SEMA6D: variants seen among roughly 807,000 people sequenced by gnomAD.
SEMA6D encodes semaphorin 6D.
SEMA6D carries 35 observed loss-of-function variants against 106.6 expected under a neutral mutation model. The ratio of observed to expected loss-of-function variants is 0.33; its 90% CI spans 0.25 to 0.44. SEMA6D has a LOEUF of 0.44. SEMA6D is among the 20% of genes least tolerant of loss of function. SEMA6D has a pLI of 1.00. For missense variants in SEMA6D, 1,185 were observed against 1,345.9 expected (o/e 0.88, Z 1.87); for synonymous variants, 499 against 487.7 (o/e 1.02, Z -0.31).
rs2036542517 is a variant in SEMA6D at position 47,314,014 on chromosome 15, C to T, written c.-238-98379C>T. Among the ~76,000 whole-genome samples, 3 of 152,286 alleles carry T rather than the reference C, an allele frequency of 2.0e-5. No homozygotes were observed. The South Asian group carries it at 6.2e-4, about 32-fold the overall frequency. On this transcript the variant is annotated intron_variant, in intron 1 of 19. Coordinates refer to the SEMA6D transcript ENST00000558014. Reference sequence around the variant, plus strand: ...TATATTTGGTTTGGTAAGAAACTGTCAAACTGTCTTTCAAAGTGGCTGTAC... The same window carrying T: ...TATATTTGGTTTGGTAAGAAACTGTTAAACTGTCTTTCAAAGTGGCTGTAC...
intron 3 of SEMA6D, among the ~76,000 whole-genome samples, chr15:47,557,325 C>T (rs1467990355): frequency 1.3e-5 from 2 of 152,144 alleles, no homozygotes. Context: ...CAGTTAGCTA[C>T]CTACACTTGG....
intron 4 of SEMA6D, among the ~76,000 whole-genome samples, chr15:47,688,161 T>C (rs1376591023): frequency 6.6e-6 from 1 of 152,176 alleles, no homozygotes; most frequent in Non-Finnish European, 1.5e-5. Flanking sequence ...ACTAAGTTCA[T>C]AGAGTCCACA....
intron 1 of SEMA6D, among the ~76,000 whole-genome samples, chr15:47,328,410 G>T (rs1027708691): frequency 6.6e-6 from 1 of 152,164 alleles, no homozygotes; most frequent in Non-Finnish European, 1.5e-5. Flanking sequence ...TAATTATGCT[G>T]TTGGGCAGTT....
intron 3 of SEMA6D, among the ~76,000 whole-genome samples, chr15:47,547,521 T>C (rs1213417492): frequency 6.6e-6 from 1 of 152,238 alleles, no homozygotes; most frequent in Non-Finnish European, 1.5e-5. Context: ...AGCTCCTGTT[T>C]CTATGCTATA....
chr15:47,604,848 C>T (rs2143628028), intron 4 of SEMA6D, among the ~76,000 whole-genome samples: 1 of 148,428 alleles, frequency 6.7e-6, no homozygotes, highest in African/African-American at 2.5e-5. Flanking sequence ...AGGCGCCCAC[C>T]ACCACCATGC....
chr15:47,304,818 G>A (rs1034204000), intron 1 of SEMA6D, among the ~76,000 whole-genome samples: 1 of 152,112 alleles, frequency 6.6e-6, no homozygotes, highest in African/African-American at 2.4e-5. Flanking sequence ...ACTAACAGTG[G>A]ACTGATTATG....
chr15:47,697,884 A>C (rs2078732274), intron 4 of SEMA6D, among the ~76,000 whole-genome samples: 1 of 152,192 alleles, frequency 6.6e-6, no homozygotes, highest in Non-Finnish European at 1.5e-5. Flanking sequence ...TTGTTGGAAA[A>C]TACTGAGAGC....
intron 1 of SEMA6D, among the ~76,000 whole-genome samples, chr15:47,756,125 G>A (rs1301375314): frequency 6.6e-6 from 1 of 152,076 alleles, no homozygotes; most frequent in Non-Finnish European, 1.5e-5. Context: ...AGGCATCCTG[G>A]CTCTCTGACT....
At chr15:47,524,161 A>C (rs551693109) in intron 3 of SEMA6D, among the ~76,000 whole-genome samples, 2 of 152,202 alleles carry the variant, frequency 1.3e-5, no homozygotes, top group South Asian at 4.1e-4. Flanking sequence ...AGTTTTGTGC[A>C]TTATGTCTCC....
At chr15:47,437,879 T>C (rs1035391148) in intron 2 of SEMA6D, among the ~76,000 whole-genome samples, 38 of 152,162 alleles carry the variant, frequency 2.5e-4, no homozygotes, top group African/African-American at 8.7e-4. Context: ...GAGCCTGTTA[T>C]AGAAATTTTC....
chr15:47,269,923 T>A (rs1284023845), intron 1 of SEMA6D, among the ~76,000 whole-genome samples: 2 of 151,800 alleles, frequency 1.3e-5, no homozygotes, highest in Non-Finnish European at 2.9e-5. Context: ...CCATCATAAG[T>A]CTGAGGTCAC....
chr15:47,421,781 G>T (rs1228563003), intron 2 of SEMA6D, among the ~76,000 whole-genome samples: 2 of 151,952 alleles, frequency 1.3e-5, no homozygotes, highest in Non-Finnish European at 2.9e-5. Flanking sequence ...AAGATGAGAT[G>T]ATGGGAACCT....
chr15:47,293,964 A>G (rs1255171808), intron 1 of SEMA6D, among the ~76,000 whole-genome samples: 1 of 152,116 alleles, frequency 6.6e-6, no homozygotes, highest in Admixed American at 6.6e-5. Context: ...TGTCATTGGT[A>G]TTTATTCTGC....
intron 2 of SEMA6D, among the ~76,000 whole-genome samples, chr15:47,438,041 GA>G (rs2041775314): frequency 1.3e-5 from 2 of 152,002 alleles, no homozygotes; most frequent in African/African-American, 4.8e-5. Flanking sequence ...TGAATTGTTG[GA>G]CTTCACATGT....
Position 47,770,402 on chromosome 15 carries a change from A to T in SEMA6D, c.1934-95A>T, listed in dbSNP as rs190273757. 7.7e-6 allele frequency: 8 copies of T among 1,039,914 alleles called. No individual in the cohort carries two copies. In the Admixed American group the frequency reaches 1.6e-4, roughly 21 times the overall value. The allele number at this position is 1,039,914 out of a possible 1,614,324, so 64.4% of individuals were successfully genotyped here. ...ACCCTCCGAGCTAAGCATATGAACC[A>T]TATGAAGGTCGTGTTGGCTCACTGA... On this transcript the variant is annotated intron_variant, in intron 18 of 18. Transcript: ENST00000536845.
At chr15:47,755,136 G>A (rs2081643262) in intron 1 of SEMA6D, among the ~76,000 whole-genome samples, 1 of 151,900 alleles carries the variant, frequency 6.6e-6, no homozygotes, top group African/African-American at 2.4e-5. Flanking sequence ...ATTTTTAGTA[G>A]AGACAGGGTT....
chr15:47,257,661 T>G (rs2033878790), intron 1 of SEMA6D, among the ~76,000 whole-genome samples: 1 of 152,208 alleles, frequency 6.6e-6, no homozygotes, highest in Non-Finnish European at 1.5e-5. Context: ...TCAATTCTGT[T>G]AAATTTGTGA....
At chr15:47,481,843 T>C (rs1253639418) in intron 3 of SEMA6D, among the ~76,000 whole-genome samples, 1 of 152,178 alleles carries the variant, frequency 6.6e-6, no homozygotes, top group Non-Finnish European at 1.5e-5. Flanking sequence ...CAAAATTATG[T>C]TAAGACTGAA....
chr15:47,413,267 A>G (rs2040858744), intron 2 of SEMA6D, among the ~76,000 whole-genome samples: 1 of 152,218 alleles, frequency 6.6e-6, no homozygotes, highest in South Asian at 2.1e-4. Flanking sequence ...CATTTTCAAT[A>G]TAAAGTAGAA....
Sources: allele counts gnomAD v4.1 joint callset (sites outside exome capture counted in the v4.1 genomes callset), GRCh38; gene constraint gnomAD v4.1.1; transcripts MANE v1.5; gene names NCBI Gene and HGNC (gene_info 2026-07-23, HGNC 2026-07-21).